The following NRXN3 variants were observed in gnomAD, a reference collection of about 807,000 sequenced individuals.
The protein encoded by NRXN3 is neurexin III.
In NRXN3, 32 loss-of-function variants were observed where a neutral mutation model predicts 137.6. That is an observed-to-expected ratio of 0.23 (90% CI 0.18 to 0.31). The LOEUF is 0.31. NRXN3 is among the 10% of genes least tolerant of loss of function. The probability of loss-of-function intolerance (pLI) is 1.00; values close to 1 mark genes in which losing one functional copy is unlikely to be tolerated. For missense variants in NRXN3, 1,574 were observed against 2,062.5 expected (o/e 0.76, Z 4.59); for synonymous variants, 798 against 784.5 (o/e 1.02, Z -0.29).
At chr14:78,301,215 T>C (rs912925020) in intron 4 of NRXN3, among the ~76,000 whole-genome samples, 2 of 152,046 alleles carry the variant, frequency 1.3e-5, no homozygotes, top group African/African-American at 2.4e-5. Flanking sequence ...ATATGTGGGA[T>C]TCGGAATTTT....
At chr14:79,185,343 T>C (rs967956936) in intron 15 of NRXN3, among the ~76,000 whole-genome samples, 1 of 152,200 alleles carries the variant, frequency 6.6e-6, no homozygotes, top group Non-Finnish European at 1.5e-5. Context: ...TTAATCCAAT[T>C]GCTTTTAATA....
At chr14:79,148,943 G>A (rs2059553835) in intron 15 of NRXN3, among the ~76,000 whole-genome samples, 2 of 151,988 alleles carry the variant, frequency 1.3e-5, no homozygotes, top group South Asian at 2.1e-4. Context: ...ATATCCAAAT[G>A]AGAAGTACAG....
intron 4 of NRXN3, among the ~76,000 whole-genome samples, chr14:78,349,480 AT>A (rs1425378472): frequency 6.6e-6 from 1 of 152,144 alleles, no homozygotes; most frequent in Non-Finnish European, 1.5e-5. Context: ...CCGAGTCCCC[AT>A]TTATCTTCTT....
chr14:78,262,944 C>T (rs373872556), intron 2 of NRXN3, among the ~76,000 whole-genome samples: 43 of 152,298 alleles, frequency 2.8e-4, no homozygotes, highest in East Asian at 1.7e-3. Context: ...TCCCGATCTA[C>T]CCTCCACCCA....
At chr14:79,392,677 A>G (rs895542580) in intron 15 of NRXN3, among the ~76,000 whole-genome samples, 3 of 152,172 alleles carry the variant, frequency 2.0e-5, no homozygotes, top group Admixed American at 2.0e-4. Context: ...GGATCATTAA[A>G]AAGTCAGGAA....
intron 15 of NRXN3, among the ~76,000 whole-genome samples, chr14:79,091,688 A>G (rs2049223362): frequency 6.6e-6 from 1 of 152,090 alleles, no homozygotes; most frequent in South Asian, 2.1e-4. Context: ...TAGCCAGGAG[A>G]TATATGATCA....
intron 15 of NRXN3, among the ~76,000 whole-genome samples, chr14:79,257,293 A>G (rs1407704819): frequency 1.5e-5 from 2 of 132,288 alleles, no homozygotes; most frequent in Non-Finnish European, 3.1e-5. Flanking sequence ...GATGTCAGCT[A>G]TTTAAAGAGT....
intron 20 of NRXN3, among the ~76,000 whole-genome samples, chr14:79,826,301 T>G (rs2099300841): frequency 6.6e-6 from 1 of 152,176 alleles, no homozygotes; most frequent in Non-Finnish European, 1.5e-5. Flanking sequence ...CCTGAGATTT[T>G]TTTTTTAAAC....
chr14:78,221,051 G>A (rs889827569), intron 1 of NRXN3, among the ~76,000 whole-genome samples: 1 of 152,132 alleles, frequency 6.6e-6, no homozygotes, highest in African/African-American at 2.4e-5. Context: ...ATGGGGTTTT[G>A]GTTTCTAGTG....
intron 1 of NRXN3, 48 bp downstream of exon 1, chr14:78,170,722 A>G (rs1286691834): frequency 6.6e-6 from 1 of 152,236 alleles, no homozygotes; most frequent in Non-Finnish European, 1.5e-5. Context: ...AAACAACTCA[A>G]GGTTCTTGTC....
chr14:78,366,615 A>G (rs1276310341), intron 4 of NRXN3, among the ~76,000 whole-genome samples: 1 of 152,154 alleles, frequency 6.6e-6, no homozygotes, highest in Non-Finnish European at 1.5e-5. Context: ...CCTCACAATT[A>G]CGGTGGAAGG....
rs141609186 is a variant in NRXN3 at position 78,645,045 on chromosome 14, TTC to T, written c.758-71_758-70del. 4.6e-3 allele frequency: 6,099 copies of T among 1,321,414 alleles called. 238 individuals are homozygous for T. The African/African-American group carries it at 0.08, about 17-fold the overall frequency. The allele number at this position is 1,321,414 out of a possible 1,614,324, so 81.9% of individuals were successfully genotyped here. A position where few individuals can be genotyped will look rare whatever the true frequency, so the allele number is the denominator to read the frequency against. Reference sequence around the variant, plus strand: ...AACGGGGCAGTGCCCCTGCGGTGTGTTCTCTTTGGTATTTGCATAGGTCTGAC... The same window carrying T: ...AACGGGGCAGTGCCCCTGCGGTGTGTTCTTTGGTATTTGCATAGGTCTGAC... On this transcript the variant is annotated intron_variant, in intron 4 of 20. Transcript: ENST00000335750.
chr14:78,855,800 T>C (rs1203662163), intron 10 of NRXN3, among the ~76,000 whole-genome samples: 1 of 152,232 alleles, frequency 6.6e-6, no homozygotes, highest in African/African-American at 2.4e-5. Flanking sequence ...ATTTTTCTTA[T>C]TAGGCATTCT....
At chr14:79,286,352 A>G (rs761178899) in intron 15 of NRXN3, among the ~76,000 whole-genome samples, 34 of 152,110 alleles carry the variant, frequency 2.2e-4, no homozygotes, top group Non-Finnish European at 4.0e-4. Flanking sequence ...AGGTTAACTA[A>G]GTATAAATTT....
chr14:79,244,512 G>T (rs1220695662), intron 15 of NRXN3, among the ~76,000 whole-genome samples: 1 of 152,148 alleles, frequency 6.6e-6, no homozygotes. Context: ...GGGGTGACAA[G>T]GTTAGGTAGA....
chr14:78,523,643 CAAAAAA>C (rs3036598), intron 4 of NRXN3, among the ~76,000 whole-genome samples: 929 of 77,730 alleles, frequency 0.012, 10 homozygotes, highest in African/African-American at 0.047. Flanking sequence ...ACTACAAATA[CAAAAAA>C]AAAAAAAAAA....
At chr14:79,491,659 G>GTT (rs974087886) in intron 16 of NRXN3, among the ~76,000 whole-genome samples, 2 of 151,896 alleles carry the variant, frequency 1.3e-5, no homozygotes, top group African/African-American at 4.8e-5. Flanking sequence ...AAAAAAGTGT[G>GTT]TGTGTGTGTG....
intron 15 of NRXN3, among the ~76,000 whole-genome samples, chr14:79,001,275 G>A (rs2099540884): frequency 6.6e-6 from 1 of 152,104 alleles, no homozygotes; most frequent in Non-Finnish European, 1.5e-5. Flanking sequence ...GAAATCTACT[G>A]TATGTACTAG....
chr14:78,802,743 C>G (rs1381557614), intron 8 of NRXN3, among the ~76,000 whole-genome samples: 1 of 152,024 alleles, frequency 6.6e-6, no homozygotes, highest in African/African-American at 2.4e-5. Context: ...GTCAGGAGTT[C>G]AAGACCAGCC....
Sources: allele counts gnomAD v4.1 joint callset (sites outside exome capture counted in the v4.1 genomes callset), GRCh38; gene constraint gnomAD v4.1.1; transcripts MANE v1.5; gene names NCBI Gene and HGNC (gene_info 2026-07-23, HGNC 2026-07-21).